FSTL4: variants seen among roughly 807,000 people sequenced by gnomAD.
The protein encoded by FSTL4 is follistatin like 4.
Under a neutral mutation model 78.2 loss-of-function variants are expected in FSTL4, and 28 were observed. That is an observed-to-expected ratio of 0.36 (90% CI 0.27 to 0.49). FSTL4 has a LOEUF of 0.49. Among genes scored for constraint, FSTL4 ranks in the 20% least tolerant of loss-of-function variants. The probability of loss-of-function intolerance (pLI) is 0.98; values close to 1 mark genes in which losing one functional copy is unlikely to be tolerated. For synonymous variants in FSTL4, 422 were observed against 440.5 expected, an observed-to-expected ratio of 0.96 and a Z score of 0.53; for missense variants, 922 against 1,084.9, an observed-to-expected ratio of 0.85 and a Z score of 2.11.
intron 3 of FSTL4, among the ~76,000 whole-genome samples, chr5:133,527,907 A>G (rs1759170312): frequency 6.6e-6 from 1 of 152,154 alleles, no homozygotes; most frequent in Non-Finnish European, 1.5e-5. Context: ...TCCCACCCCC[A>G]AGGAACACTG....
chr5:133,623,758 A>T, the FSTL4 span, among the ~76,000 whole-genome samples: 1 of 152,058 alleles, frequency 6.6e-6, no homozygotes, highest in African/African-American at 2.4e-5. Context: ...AAGGAATAAG[A>T]ACTTGCATGA....
chr5:133,399,474 G>A (rs1285869066), intron 4 of FSTL4, among the ~76,000 whole-genome samples: 2 of 152,172 alleles, frequency 1.3e-5, no homozygotes, highest in African/African-American at 2.4e-5. Flanking sequence ...ATGCTGCCAC[G>A]ACTGCTGAGT....
intron 4 of FSTL4, among the ~76,000 whole-genome samples, chr5:133,385,838 T>C (rs1755686056): frequency 6.6e-6 from 1 of 152,196 alleles, no homozygotes; most frequent in Non-Finnish European, 1.5e-5. Flanking sequence ...CACGGGCACA[T>C]GTCAGCTACA....
At chr5:133,532,724 G>T (rs1157513950) in intron 3 of FSTL4, among the ~76,000 whole-genome samples, 3 of 152,128 alleles carry the variant, frequency 2.0e-5, no homozygotes, top group African/African-American at 7.2e-5. Context: ...GATAACCAAG[G>T]TCAGAGCCTC....
chr5:133,793,757 A>G, the FSTL4 span, among the ~76,000 whole-genome samples: 4 of 152,188 alleles, frequency 2.6e-5, no homozygotes, highest in Admixed American at 6.5e-5. Flanking sequence ...CCCTGGCCCT[A>G]CTAGAAGCAG....
At chr5:133,306,797 C>T (rs1165203780) in intron 6 of FSTL4, among the ~76,000 whole-genome samples, 4 of 152,180 alleles carry the variant, frequency 2.6e-5, no homozygotes, top group African/African-American at 9.7e-5. Flanking sequence ...ATACCCCATG[C>T]TGAGCAGGAG....
At chr5:133,604,066 T>C in intron 1 of FSTL4, 73 bp from the exon 2 acceptor site, 1 of 1,100,260 alleles carries the variant, frequency 9.1e-7, no homozygotes, top group Non-Finnish European at 1.4e-6. Context: ...TGAGTTAGTA[T>C]GTGTTCCCCA....
intron 13 of FSTL4, among the ~76,000 whole-genome samples, chr5:133,212,204 T>G (rs1376180081): frequency 6.6e-6 from 1 of 152,238 alleles, no homozygotes. Context: ...CCTCCAGCTA[T>G]CCTGTTAAAC....
intron 4 of FSTL4, among the ~76,000 whole-genome samples, chr5:133,324,046 T>G (rs866121431): frequency 6.6e-6 from 1 of 152,120 alleles, no homozygotes; most frequent in Non-Finnish European, 1.5e-5. Context: ...CAAAGGGAGA[T>G]AGGTAGCAGG....
At chr5:133,783,591 C>T in the FSTL4 span, among the ~76,000 whole-genome samples, 1 of 152,206 alleles carries the variant, frequency 6.6e-6, no homozygotes, top group South Asian at 2.1e-4. Flanking sequence ...ATCTTTTAAA[C>T]TTTCCTTCCA....
intron 3 of FSTL4, among the ~76,000 whole-genome samples, chr5:133,524,158 G>A (rs1438059849): frequency 6.6e-6 from 1 of 152,180 alleles, no homozygotes; most frequent in Non-Finnish European, 1.5e-5. Flanking sequence ...GGCAGAAGGA[G>A]GACAGGTCAG....
At chr5:133,796,900 C>A in the FSTL4 span, among the ~76,000 whole-genome samples, 2 of 152,038 alleles carry the variant, frequency 1.3e-5, no homozygotes, top group African/African-American at 2.4e-5. Flanking sequence ...TGTGTCACTG[C>A]CAGATTCACC....
At chr5:133,200,652 T>G (rs980650559) in intron 15 of FSTL4, among the ~76,000 whole-genome samples, 9 of 152,222 alleles carry the variant, frequency 5.9e-5, no homozygotes, top group African/African-American at 2.2e-4. Flanking sequence ...GTTGGAAGTA[T>G]GGAAAAGCCT....
chr5:133,751,688 A>G, the FSTL4 span, among the ~76,000 whole-genome samples: 1 of 152,210 alleles, frequency 6.6e-6, no homozygotes, highest in Admixed American at 6.5e-5. Flanking sequence ...TCAAAAACAA[A>G]CTGGAATTAT....
chr5:133,581,402 C>T (rs1290266037), intron 2 of FSTL4, among the ~76,000 whole-genome samples: 2 of 152,192 alleles, frequency 1.3e-5, no homozygotes, highest in Non-Finnish European at 2.9e-5. Flanking sequence ...AAAGGTGCTA[C>T]CTATAAGATT....
chr5:133,375,849 G>A (rs1257377248), intron 4 of FSTL4, among the ~76,000 whole-genome samples: 1 of 152,184 alleles, frequency 6.6e-6, no homozygotes, highest in Non-Finnish European at 1.5e-5. Context: ...GGAGAGAGTA[G>A]AAAATATTAC....
chr5:133,486,629 A>C (rs1758143252), intron 3 of FSTL4, among the ~76,000 whole-genome samples: 1 of 152,088 alleles, frequency 6.6e-6, no homozygotes, highest in Admixed American at 6.5e-5. Flanking sequence ...AGAAAGCCAA[A>C]ACAACCCTGG....
At chr5:133,368,049 G>A (rs1386924402) in intron 4 of FSTL4, among the ~76,000 whole-genome samples, 2 of 152,280 alleles carry the variant, frequency 1.3e-5, no homozygotes, top group Non-Finnish European at 2.9e-5. Context: ...TCCAAGGGGA[G>A]TTCTGGCCTT....
chr5:133,409,614 A>C (rs191949558), intron 3 of FSTL4, among the ~76,000 whole-genome samples: 1 of 152,294 alleles, frequency 6.6e-6, no homozygotes, highest in East Asian at 1.9e-4. Context: ...AGCTGCTCAG[A>C]ACTCCAGGCT....
Sources: gnomAD v4.1 joint callset for allele counts (sites outside exome capture counted in the v4.1 genomes callset) on GRCh38, gnomAD v4.1.1 for gene constraint, MANE v1.5 for transcripts, NCBI Gene and HGNC (gene_info 2026-07-23, HGNC 2026-07-21) for gene names.